The following ST7 variants were observed in gnomAD, a reference collection of about 807,000 sequenced individuals.
ST7 encodes suppression of tumorigenicity 7.
In ST7, 28 loss-of-function variants were observed where a neutral mutation model predicts 78.7. The observed-to-expected ratio is 0.36, with a 90% confidence interval of 0.26 to 0.49. ST7 has a LOEUF of 0.49. ST7 is among the 20% of genes least tolerant of loss of function. ST7 has a pLI of 0.99. For missense variants in ST7, 418 were observed against 696.0 expected, an observed-to-expected ratio of 0.60 and a Z score of 4.49; for synonymous variants, 247 against 249.6, an observed-to-expected ratio of 0.99 and a Z score of 0.10.
At position 116,968,501 on chromosome 7, in the gene ST7, C is replaced by T. The variant is rs1562983598; in HGVS notation, c.151+14810C>T. 7.5e-5 allele frequency: 32 copies of T among 429,406 alleles called. 1 individual carries two copies. The highest frequency in any genetic ancestry group is 5.3e-4 in the South Asian group (32 of 60,620). 26.6% of individuals were successfully genotyped at this position (429,406 alleles called of 1,614,324 possible). A position where few individuals can be genotyped will look rare whatever the true frequency, so the allele number is the denominator to read the frequency against. ...CGACTACGGGTGTGCGCCACCATGC[C>T]TGGCTTAGAAAAGGACTTTATGTTG... On this transcript the variant is annotated intron_variant, in intron 1 of 15. Coordinates refer to ENST00000323984, the MANE Select transcript of ST7 (RefSeq NM_001369598.1).
At chr7:117,123,488 C>T (rs191321738) in intron 3 of ST7, among the ~76,000 whole-genome samples, 1 of 152,248 alleles carries the variant, frequency 6.6e-6, no homozygotes, top group East Asian at 1.9e-4. Flanking sequence ...GTTAATTATA[C>T]AGTTTCTTAC....
chr7:117,141,019 C>T (rs948275421), intron 9 of ST7, among the ~76,000 whole-genome samples: 3 of 152,164 alleles, frequency 2.0e-5, no homozygotes, highest in Non-Finnish European at 2.9e-5. Flanking sequence ...GGCTCCTCTC[C>T]GGTCATGGGT....
At chr7:117,120,341 T>C (rs1477980815) in intron 3 of ST7, among the ~76,000 whole-genome samples, 1 of 152,070 alleles carries the variant, frequency 6.6e-6, no homozygotes, top group Non-Finnish European at 1.5e-5. Context: ...AATAGATTCA[T>C]TTTCTTCTAT....
intron 12 of ST7, among the ~76,000 whole-genome samples, chr7:117,204,468 A>C (rs1422327082): frequency 6.6e-6 from 1 of 152,184 alleles, no homozygotes; most frequent in Admixed American, 6.5e-5. Flanking sequence ...AAGTGATTCA[A>C]AGTGGCAGAT....
intron 2 of ST7, chr7:117,118,133 C>T (rs1803046160): frequency 1.3e-5 from 2 of 153,186 alleles, no homozygotes; most frequent in African/African-American, 4.8e-5. Flanking sequence ...AATCTGAAAT[C>T]TTAAGTGCTC....
At chr7:117,207,378 G>A (rs1170731628) in intron 12 of ST7, among the ~76,000 whole-genome samples, 10 of 151,772 alleles carry the variant, frequency 6.6e-5, no homozygotes, top group Non-Finnish European at 1.5e-4. Context: ...TCCTGACCTC[G>A]TGATCCACCC....
intron 1 of ST7, among the ~76,000 whole-genome samples, chr7:117,097,880 CTATATATATA>C (rs373598650): frequency 6.6e-4 from 7 of 10,604 alleles, no homozygotes; most frequent in East Asian, 6.3e-3. Flanking sequence ...TGACATATCA[CTATATATATA>C]TATATATATA....
At chr7:117,195,078 T>C (rs932441864) in intron 12 of ST7, among the ~76,000 whole-genome samples, 5 of 152,218 alleles carry the variant, frequency 3.3e-5, no homozygotes, top group African/African-American at 1.2e-4. Flanking sequence ...TATAGTGATA[T>C]TATAAAAAAC....
At position 117,130,594 on chromosome 7, in the gene ST7, C is replaced by T; in HGVS notation, c.553C>T (p.Pro185Ser). 9 of 1,608,558 alleles carry T rather than the reference C, an allele frequency of 5.6e-6. No homozygotes were observed. The highest frequency in any genetic ancestry group is 7.6e-6 in the Non-Finnish European group (9 of 1,176,776). The change falls in exon 5 of 16, where the codon CCC becomes TCC. Residue 185 changes from proline to serine, a missense_variant. Coordinates refer to ENST00000323984, the MANE Select transcript of ST7 (RefSeq NM_001369598.1). ...FFTCDSDHLR[P>S]ADAIMQKAWR... ...TACTTGTGACTCGGACCATCTGCGT[C>T]CCGCAGATGCAAGTATGAAAAATCC...
intron 1 of ST7, among the ~76,000 whole-genome samples, chr7:117,083,185 G>T (rs1469881627): frequency 1.3e-5 from 2 of 151,626 alleles, no homozygotes; most frequent in Non-Finnish European, 2.9e-5. Flanking sequence ...TCAGCTTCCA[G>T]AGTAGCTAGG....
chr7:117,040,911 C>A (rs962818794), intron 1 of ST7, among the ~76,000 whole-genome samples: 3 of 152,246 alleles, frequency 2.0e-5, no homozygotes, highest in African/African-American at 7.2e-5. Context: ...GAACTACACA[C>A]ATACACATCC....
intron 6 of ST7, among the ~76,000 whole-genome samples, chr7:117,132,645 A>G (rs1804457839): frequency 6.6e-6 from 1 of 151,714 alleles, no homozygotes; most frequent in African/African-American, 2.4e-5. Flanking sequence ...ATTTTTCTGA[A>G]GAAGGTTACA....
chr7:116,977,824 A>T (rs1047830709), intron 1 of ST7, among the ~76,000 whole-genome samples: 1 of 152,214 alleles, frequency 6.6e-6, no homozygotes, highest in Admixed American at 6.5e-5. Context: ...AAGTTCTGGG[A>T]TTACAGGCGT....
intron 1 of ST7, among the ~76,000 whole-genome samples, chr7:116,981,586 C>T (rs1374621116): frequency 6.6e-6 from 1 of 152,156 alleles, no homozygotes; most frequent in Non-Finnish European, 1.5e-5. Context: ...CTATTATATT[C>T]TATTCTCTTT....
Position 117,189,354 on chromosome 7 carries a change from A to G in ST7, c.1112A>G (p.Tyr371Cys). The change falls in exon 11 of 16, where the codon TAC (tyrosine) becomes TGC (cysteine). Residue 371 changes from tyrosine (Y) to cysteine (C), a missense_variant. Coordinates refer to ENST00000323984, the MANE Select transcript of ST7 (RefSeq NM_001369598.1). ...ISLPKSATIC[Y>C]TAALLKARAV... is the part of the protein sequence containing the mutation. ...TTACCAAAGTCAGCAACAATATGCT[A>G]CACAGCTGCTTTGCTCAAAGCAAGA... The G allele has an allele frequency of 1.9e-6, 3 of 1,609,680 alleles. No homozygotes were observed. Among genetic ancestry groups the G allele is most frequent in the Non-Finnish European group, 2.5e-6 (3 of 1,177,666 alleles).
At position 116,958,263 on chromosome 7, in the gene ST7, G is replaced by C. The variant is rs557936970; in HGVS notation, c.151+4572G>C. On this transcript the variant is annotated intron_variant, in intron 1 of 15. Transcript: ENST00000323984. ...CTGCCTCCACCTCCCAAAGTGCTGG[G>C]ATTCCAGGTGTGAGCCACCGTGCCT... is the stretch of plus-strand genomic sequence containing the variant. Among the ~76,000 whole-genome samples the C allele has an allele frequency of 3.3e-5, 5 of 151,284 alleles. No individual in the cohort carries two copies. The East Asian group carries it at 5.8e-4, about 18-fold the overall frequency.
At chr7:117,165,501 C>T (rs1301701925) in intron 9 of ST7, among the ~76,000 whole-genome samples, 1 of 152,118 alleles carries the variant, frequency 6.6e-6, no homozygotes, top group Non-Finnish European at 1.5e-5. Context: ...AGAGCTGTGG[C>T]AGTAGACATA....
intron 13 of ST7, among the ~76,000 whole-genome samples, chr7:117,211,204 T>G (rs916550210): frequency 6.6e-6 from 1 of 152,236 alleles, no homozygotes; most frequent in Admixed American, 6.5e-5. Context: ...GTTCTGCTTC[T>G]ATAGATTACT....
At chr7:117,054,110 T>C (rs1053489659) in intron 1 of ST7, among the ~76,000 whole-genome samples, 3 of 152,168 alleles carry the variant, frequency 2.0e-5, no homozygotes, top group African/African-American at 7.2e-5. Flanking sequence ...AGTGCTGCGA[T>C]TACAGGCATG....
Sources: gnomAD v4.1 joint callset for allele counts (sites outside exome capture counted in the v4.1 genomes callset) on GRCh38, gnomAD v4.1.1 for gene constraint, MANE v1.5 for transcripts, NCBI Gene and HGNC (gene_info 2026-07-23, HGNC 2026-07-21) for gene names.